Variants in ZPBP observed in about 807,000 individuals in gnomAD.
The protein encoded by ZPBP is zona pellucida-binding protein 1.
Under a neutral mutation model 44.8 loss-of-function variants are expected in ZPBP, and 26 were observed. That is an observed-to-expected ratio of 0.58 (90% confidence interval 0.43 to 0.81). ZPBP has a LOEUF of 0.81. ZPBP is among the 30% of genes least tolerant of loss of function. The pLI is 0.00. For synonymous variants in ZPBP, 174 were observed against 153.2 expected, an observed-to-expected ratio of 1.14 and a Z score of -1.00; for missense variants, 409 against 434.0, an observed-to-expected ratio of 0.94 and a Z score of 0.51.
Position 49,937,528 on chromosome 7 carries a change from T to C in ZPBP, c.1056A>G (p.Ter352=). The part of the protein sequence containing the change: ...SLVYGAKTCL[*] ...CCACTGAATAACTGAAGATAATGGCTTATAAGCACGTTTTTGCTCCATACA... is the reference window on the plus strand; with the variant it reads ...CCACTGAATAACTGAAGATAATGGCCTATAAGCACGTTTTTGCTCCATACA... The change falls in exon 8 of 8, where the codon TAA becomes TAG. Residue 352 remains the stop codon, a stop_retained_variant. Transcript: ENST00000046087. 6 of 1,611,506 alleles carry C rather than the reference T, an allele frequency of 3.7e-6. No homozygotes were observed. Among genetic ancestry groups the C allele is most frequent in the Non-Finnish European group, 5.1e-6 (6 of 1,177,712 alleles).
chr7:49,950,016 C>A (rs1392554464), intron 7 of ZPBP, among the ~76,000 whole-genome samples: 1 of 151,674 alleles, frequency 6.6e-6, no homozygotes, highest in East Asian at 1.9e-4. Flanking sequence ...TAGATAAAGA[C>A]CTTTAAGAAT....
At chr7:49,881,606 G>A (rs1205358391) in intron 2 of ZPBP, among the ~76,000 whole-genome samples, 1 of 152,078 alleles carries the variant, frequency 6.6e-6, no homozygotes, top group Non-Finnish European at 1.5e-5. Flanking sequence ...CTTTGAAATA[G>A]TCTTGTTCCC....
intron 7 of ZPBP, among the ~76,000 whole-genome samples, chr7:49,951,731 G>A (rs1222942261): frequency 6.6e-6 from 1 of 151,120 alleles, no homozygotes; most frequent in Non-Finnish European, 1.5e-5. Context: ...TTCCACTCTT[G>A]GTATGTACCC....
intron 2 of ZPBP, among the ~76,000 whole-genome samples, chr7:49,854,790 G>T (rs1283051552): frequency 6.6e-6 from 1 of 152,170 alleles, no homozygotes; most frequent in Non-Finnish European, 1.5e-5. Context: ...TCCTCAACAT[G>T]AGCCACACAT....
rs117206158 is a variant in ZPBP at position 49,909,129 on chromosome 7, A to C, written n.412-7914T>G. Among the ~76,000 whole-genome samples the C allele has an allele frequency of 2.7e-3, 414 of 152,342 alleles. 1 individual carries two copies. Among genetic ancestry groups the C allele is most frequent in the Non-Finnish European group, 4.4e-3 (296 of 68,030 alleles). On this transcript the variant is annotated intron_variant and non_coding_transcript_variant, in intron 1 of 2. Coordinates refer to the ZPBP transcript ENST00000465922. Reference sequence around the variant, plus strand: ...CACAATAATTAATTTAATCAGTCCAAGATCACATAACTATTAAGTACCAGA... The same window carrying C: ...CACAATAATTAATTTAATCAGTCCACGATCACATAACTATTAAGTACCAGA...
At chr7:49,954,808 T>A (rs934962858) in intron 7 of ZPBP, among the ~76,000 whole-genome samples, 1 of 152,102 alleles carries the variant, frequency 6.6e-6, no homozygotes, top group Non-Finnish European at 1.5e-5. Context: ...CAAAAACTGA[T>A]ATAACAAGTT....
At chr7:49,959,813 T>A (rs1212901972) in intron 7 of ZPBP, among the ~76,000 whole-genome samples, 1 of 152,130 alleles carries the variant, frequency 6.6e-6, no homozygotes. Flanking sequence ...AAAACAAAGC[T>A]GGAGGATTAT....
intron 2 of ZPBP, among the ~76,000 whole-genome samples, chr7:49,900,889 C>A (rs1263393000): frequency 2.0e-5 from 3 of 151,724 alleles, no homozygotes; most frequent in Admixed American, 6.6e-5. Flanking sequence ...TGAACCCAAC[C>A]ATGTGTAAGA....
intron 2 of ZPBP, among the ~76,000 whole-genome samples, chr7:50,086,611 G>A (rs1374227295): frequency 1.3e-5 from 2 of 151,946 alleles, no homozygotes; most frequent in African/African-American, 4.8e-5. Flanking sequence ...TGAGAAGGCA[G>A]AAGAATCTGC....
chr7:49,982,308 ATTATATAATATATAAT>A (rs1368393227), intron 7 of ZPBP, among the ~76,000 whole-genome samples: 4 of 17,692 alleles, frequency 2.3e-4, no homozygotes, highest in Non-Finnish European at 8.8e-5. Flanking sequence ...ATAATATATA[ATTATATAATATATAAT>A]TATATAATAT....
intron 7 of ZPBP, among the ~76,000 whole-genome samples, chr7:49,952,719 TAAGGG>T (rs1795401143): frequency 6.6e-6 from 1 of 151,932 alleles, no homozygotes; most frequent in East Asian, 1.9e-4. Context: ...CTTTCGAAAC[TAAGGG>T]TAAAAATACA....
downstream of ZPBP, among the ~76,000 whole-genome samples, chr7:49,848,870 C>T (rs1030580999): frequency 5.3e-5 from 8 of 152,104 alleles, no homozygotes; most frequent in Non-Finnish European, 7.3e-5. Flanking sequence ...ATTCAGTAGA[C>T]CAGAAAGGAA....
At chr7:49,879,910 C>T (rs542289840) in intron 2 of ZPBP, among the ~76,000 whole-genome samples, 73 of 152,260 alleles carry the variant, frequency 4.8e-4, no homozygotes, top group African/African-American at 1.6e-3. Context: ...CCAGCAGCAT[C>T]ACAGATGAGA....
At chr7:49,877,481 A>AAAAAATATACATATATATAT in intron 2 of ZPBP, among the ~76,000 whole-genome samples, 173 of 12,726 alleles carry the variant, frequency 0.014, 58 homozygotes, top group East Asian at 0.022. Context: ...AAAAAAAAAA[A>AAAAAATATACATATATATAT]ATATATATAT....
At chr7:49,982,606 C>T (rs895658328) in intron 7 of ZPBP, among the ~76,000 whole-genome samples, 1 of 151,324 alleles carries the variant, frequency 6.6e-6, no homozygotes, top group Non-Finnish European at 1.5e-5. Context: ...TCTCAGCCAT[C>T]AGAATCGTGA....
At chr7:49,936,432 C>G (rs925749132), downstream of ZPBP, among the ~76,000 whole-genome samples, 13 of 152,124 alleles carry the variant, frequency 8.5e-5, no homozygotes, top group Admixed American at 5.9e-4. Context: ...GCTAGTTTAT[C>G]AACTAGTTCA....
chr7:49,939,699 A>G (rs1308730176), intron 7 of ZPBP, among the ~76,000 whole-genome samples: 1 of 152,160 alleles, frequency 6.6e-6, no homozygotes, highest in East Asian at 1.9e-4. Flanking sequence ...TAAAAATCAT[A>G]AAAGTAACGA....
At chr7:50,008,905 G>C (rs1393021113) in intron 6 of ZPBP, among the ~76,000 whole-genome samples, 1 of 151,942 alleles carries the variant, frequency 6.6e-6, no homozygotes, top group Non-Finnish European at 1.5e-5. Context: ...GCCAGGCACA[G>C]TGCTCATTTT....
intron 6 of ZPBP, among the ~76,000 whole-genome samples, chr7:50,009,853 T>C (rs890095807): frequency 1.3e-5 from 2 of 148,258 alleles, no homozygotes; most frequent in African/African-American, 4.8e-5. Flanking sequence ...ATAATGAACA[T>C]TTGAAAACCA....
Sources: allele counts gnomAD v4.1 joint callset (sites outside exome capture counted in the v4.1 genomes callset), GRCh38; gene constraint gnomAD v4.1.1; transcripts MANE v1.5; gene names NCBI Gene and HGNC (gene_info 2026-07-23, HGNC 2026-07-21).